RBFOX1: variants seen among roughly 807,000 people sequenced by gnomAD.
RBFOX1 encodes RNA binding fox-1 homolog 1, also known as RNA binding protein fox-1 homolog 1.
A neutral mutation model predicts 57.7 loss-of-function variants in RBFOX1; 8 were observed. The observed-to-expected ratio is 0.14, with a 90% CI of 0.08 to 0.25. The LOEUF (loss-of-function observed/expected upper bound fraction) is 0.25. Ranked by LOEUF, RBFOX1 falls within the 10% of genes least tolerant of loss-of-function variation. The probability of loss-of-function intolerance (pLI) is 1.00; values close to 1 mark genes in which losing one functional copy is unlikely to be tolerated. For missense variants in RBFOX1, 611 were observed against 548.5 expected, an observed-to-expected ratio of 1.11 and a Z score of -1.14; for synonymous variants, 326 against 222.4, an observed-to-expected ratio of 1.47 and a Z score of -4.15.
intron 1 of RBFOX1, among the ~76,000 whole-genome samples, chr16:5,281,187 G>A (rs2063263410): frequency 6.6e-6 from 1 of 152,026 alleles, no homozygotes; most frequent in Non-Finnish European, 1.5e-5. Flanking sequence ...CTTCATTGAT[G>A]CAATGATGAT....
At chr16:6,083,454 A>G (rs994143277) in intron 1 of RBFOX1, among the ~76,000 whole-genome samples, 2 of 151,984 alleles carry the variant, frequency 1.3e-5, no homozygotes, top group African/African-American at 4.8e-5. Context: ...ACTTGCTTTC[A>G]TGCTCTCTTT....
At chr16:7,684,414 TC>T (rs1250593417) in intron 14 of RBFOX1, among the ~76,000 whole-genome samples, 1 of 152,116 alleles carries the variant, frequency 6.6e-6, no homozygotes, top group Non-Finnish European at 1.5e-5. Context: ...TTTCTTTTTT[TC>T]CAAGCTAATT....
At chr16:5,812,136 T>G (rs2055454606) in intron 3 of RBFOX1, among the ~76,000 whole-genome samples, 1 of 152,202 alleles carries the variant, frequency 6.6e-6, no homozygotes, top group South Asian at 2.1e-4. Flanking sequence ...CTTTTTGTTG[T>G]GCGGTCATGT....
chr16:7,699,602 T>C (rs969713991), intron 14 of RBFOX1, among the ~76,000 whole-genome samples: 1 of 152,142 alleles, frequency 6.6e-6, no homozygotes, highest in Non-Finnish European at 1.5e-5. Context: ...CCAGGATGAG[T>C]TGTAAGTAAA....
chr16:5,468,591 C>A (rs1006794175), intron 2 of RBFOX1, among the ~76,000 whole-genome samples: 1 of 152,214 alleles, frequency 6.6e-6, no homozygotes, highest in Non-Finnish European at 1.5e-5. Flanking sequence ...CTCAAACAAG[C>A]ACATGGACAC....
At chr16:7,523,407 C>G (rs1438687714) in intron 5 of RBFOX1, among the ~76,000 whole-genome samples, 3 of 152,224 alleles carry the variant, frequency 2.0e-5, no homozygotes, top group Admixed American at 6.5e-5. Flanking sequence ...ACATTGCCTT[C>G]ATTTTTTCCA....
At chr16:5,988,184 T>C (rs2060319202) in intron 4 of RBFOX1, among the ~76,000 whole-genome samples, 1 of 152,244 alleles carries the variant, frequency 6.6e-6, no homozygotes, top group South Asian at 2.1e-4. Context: ...GCAAATGTAA[T>C]ATAATATGAA....
At chr16:6,899,779 A>C (rs2067990951) in intron 3 of RBFOX1, among the ~76,000 whole-genome samples, 1 of 152,244 alleles carries the variant, frequency 6.6e-6, no homozygotes, top group Admixed American at 6.5e-5. Flanking sequence ...CATCATACTT[A>C]CATATTTGAA....
At chr16:7,640,367 G>A (rs926831786) in intron 11 of RBFOX1, among the ~76,000 whole-genome samples, 4 of 152,222 alleles carry the variant, frequency 2.6e-5, no homozygotes, top group African/African-American at 7.2e-5. Flanking sequence ...TAATCTCAAT[G>A]CAGAATGGTG....
chr16:7,358,124 T>C (rs2146405553), intron 4 of RBFOX1, among the ~76,000 whole-genome samples: 1 of 152,338 alleles, frequency 6.6e-6, no homozygotes, highest in Middle Eastern at 3.4e-3. Context: ...ACTGATTAAC[T>C]TTCATAACTC....
chr16:6,195,056 A>T (rs1184814411), intron 1 of RBFOX1, among the ~76,000 whole-genome samples: 2 of 152,196 alleles, frequency 1.3e-5, no homozygotes, highest in Non-Finnish European at 2.9e-5. Context: ...AATCTTTCAG[A>T]TACGGAATCA....
chr16:7,152,730 C>G (rs184027204), intron 4 of RBFOX1, among the ~76,000 whole-genome samples: 5 of 152,250 alleles, frequency 3.3e-5, no homozygotes, highest in Admixed American at 2.6e-4. Context: ...ATCTTGACTC[C>G]TGGAAAAATA....
intron 3 of RBFOX1, among the ~76,000 whole-genome samples, chr16:5,798,860 T>C (rs1271347049): frequency 6.6e-6 from 1 of 152,084 alleles, no homozygotes; most frequent in Non-Finnish European, 1.5e-5. Flanking sequence ...CAGCGTCAGC[T>C]TGGGTGTAGC....
intron 4 of RBFOX1, among the ~76,000 whole-genome samples, chr16:7,064,030 A>G (rs2055284689): frequency 6.6e-6 from 1 of 152,192 alleles, no homozygotes; most frequent in African/African-American, 2.4e-5. Flanking sequence ...TGTCCTGACA[A>G]AAGTCATACA....
intron 1 of RBFOX1, among the ~76,000 whole-genome samples, chr16:5,430,091 TC>T (rs1050596514): frequency 2.6e-5 from 4 of 152,172 alleles, no homozygotes; most frequent in African/African-American, 7.2e-5. Flanking sequence ...TTTATTGAGC[TC>T]CTCTGACAAA....
intron 3 of RBFOX1, among the ~76,000 whole-genome samples, chr16:7,042,564 A>G (rs1597826285): frequency 6.6e-6 from 1 of 152,248 alleles, no homozygotes. Flanking sequence ...ACTGTTTAGC[A>G]CATTTTATGA....
At chr16:7,641,068 A>G (rs951656979) in intron 11 of RBFOX1, among the ~76,000 whole-genome samples, 1 of 152,156 alleles carries the variant, frequency 6.6e-6, no homozygotes, top group Non-Finnish European at 1.5e-5. Flanking sequence ...AGTTGAGTCA[A>G]GCTCTCTCTG....
At chr16:6,708,173 C>T (rs991888684) in intron 3 of RBFOX1, among the ~76,000 whole-genome samples, 13 of 152,036 alleles carry the variant, frequency 8.6e-5, no homozygotes, top group Admixed American at 6.6e-4. Context: ...ATGACTTTTC[C>T]CCTTGTTTCT....
At chr16:7,388,639 AC>A (rs1359668376) in intron 4 of RBFOX1, among the ~76,000 whole-genome samples, 9 of 118,686 alleles carry the variant, frequency 7.6e-5, no homozygotes, top group Admixed American at 3.8e-4. Context: ...AAGTGGTTTC[AC>A]TTACTTTTTT....
Sources: allele counts gnomAD v4.1 joint callset (sites outside exome capture counted in the v4.1 genomes callset), GRCh38; gene constraint gnomAD v4.1.1; transcripts MANE v1.5; gene names NCBI Gene and HGNC (gene_info 2026-07-23, HGNC 2026-07-21).